The following PDS5B variants were observed in gnomAD, a reference collection of about 807,000 sequenced individuals.
PDS5B encodes the protein PDS5 cohesin associated factor B, also known as sister chromatid cohesion protein PDS5 homolog B.
PDS5B carries 51 observed loss-of-function variants against 184.1 expected under a neutral mutation model. That is an observed-to-expected ratio of 0.28 (90% CI 0.22 to 0.35). The LOEUF is 0.35. Among genes scored for constraint, PDS5B ranks in the 10% least tolerant of loss-of-function variants. The pLI is 1.00. For missense variants in PDS5B, 1,180 were observed against 1,723.3 expected (o/e 0.68, Z 5.58); for synonymous variants, 566 against 569.2 (o/e 0.99, Z 0.08).
intron 24 of PDS5B, among the ~76,000 whole-genome samples, chr13:32,751,002 A>G (rs1953963278): frequency 6.6e-6 from 1 of 152,134 alleles, no homozygotes; most frequent in Non-Finnish European, 1.5e-5. Flanking sequence ...CATAGTACCC[A>G]AAAGGTAGTT....
intron 9 of PDS5B, among the ~76,000 whole-genome samples, chr13:32,677,837 A>G (rs188123944): frequency 6.6e-6 from 1 of 152,300 alleles, no homozygotes; most frequent in East Asian, 1.9e-4. Flanking sequence ...TATTGAATGG[A>G]AAAATCTTGG....
chr13:32,715,921 G>A (rs563150938), intron 19 of PDS5B, among the ~76,000 whole-genome samples: 72 of 152,024 alleles, frequency 4.7e-4, no homozygotes, highest in African/African-American at 1.5e-3. Flanking sequence ...TCGGCCTCCC[G>A]AGGTGCCGGG....
chr13:32,729,398 A>G (rs1168045612), intron 19 of PDS5B, among the ~76,000 whole-genome samples: 2 of 152,216 alleles, frequency 1.3e-5, no homozygotes, highest in South Asian at 4.1e-4. Flanking sequence ...ATAGTGCTGC[A>G]GTAAACATAT....
Position 32,732,085 on chromosome 13 carries a change from G to A in PDS5B, c.2124-16G>A. The A allele has an allele frequency of 1.3e-6, 2 of 1,585,808 alleles. No individual in the cohort carries two copies. The highest frequency in any genetic ancestry group is 1.4e-5 in the African/African-American group (1 of 73,064). ...TTTTTCTGGTTTATTGTTTTTCTTT[G>A]ATTTTTTTTTAATAGAGCCTTGCTT... is the stretch of plus-strand genomic sequence containing the variant. On this transcript the variant is annotated splice_polypyrimidine_tract_variant and intron_variant, in intron 19 of 34. Transcript: ENST00000315596.
rs974700949 is a variant in PDS5B at position 32,687,120 on chromosome 13, T to A, written c.1204-14T>A. ...AGCCTTTTTACATTATAAATAAAACTTTTTGTTTTTAAGTGGAGAGTACGC... is the reference window on the plus strand; with the variant it reads ...AGCCTTTTTACATTATAAATAAAACATTTTGTTTTTAAGTGGAGAGTACGC... On this transcript the variant is annotated splice_polypyrimidine_tract_variant and intron_variant, in intron 11 of 34. Coordinates refer to ENST00000315596, the MANE Select transcript of PDS5B (RefSeq NM_015032.4). 4 of 1,575,968 alleles carry A rather than the reference T, an allele frequency of 2.5e-6. No homozygotes were observed. The highest frequency in any genetic ancestry group is 3.4e-6 in the Non-Finnish European group (4 of 1,166,050).
intron 17 of PDS5B, 42 bp from the exon 18 acceptor site, chr13:32,706,892 C>CTA (rs1321004589): frequency 8.3e-7 from 1 of 1,199,536 alleles, no homozygotes; most frequent in East Asian, 2.4e-5. Flanking sequence ...TTAGACATTG[C>CTA]TAGTAACATT....
intron 19 of PDS5B, among the ~76,000 whole-genome samples, chr13:32,729,955 C>T (rs1015037912): frequency 6.6e-6 from 1 of 152,138 alleles, no homozygotes; most frequent in East Asian, 1.9e-4. Context: ...TTAATTAGAT[C>T]CCATTTGTCA....
chr13:32,728,265 A>G (rs1175674826), intron 19 of PDS5B, among the ~76,000 whole-genome samples: 2 of 151,684 alleles, frequency 1.3e-5, no homozygotes, highest in African/African-American at 4.8e-5. Flanking sequence ...TTTAATGTCT[A>G]CCCTAATTCT....
At position 32,734,089 on chromosome 13, in the gene PDS5B, G is replaced by A. The variant is rs896589268; in HGVS notation, c.2248-1083G>A. 5.9e-5 allele frequency among the ~76,000 whole-genome samples: 9 copies of A among 151,426 alleles called. No individual in the cohort carries two copies. The South Asian group carries it at 1.9e-3, about 32-fold the overall frequency. ...GTCATCCAGGCTGGAGTGTAGTGGC[G>A]TGATCTCTGCTCACTGCAACCTCCA... is the stretch of plus-strand genomic sequence containing the variant. On this transcript the variant is annotated intron_variant, in intron 20 of 34. Coordinates refer to ENST00000315596, the MANE Select transcript of PDS5B (RefSeq NM_015032.4).
chr13:32,766,962 A>G (rs558355533), intron 31 of PDS5B, among the ~76,000 whole-genome samples: 2 of 152,220 alleles, frequency 1.3e-5, no homozygotes, highest in East Asian at 3.9e-4. Context: ...CTAATTTAAC[A>G]TTTCTTTTAC....
intron 34 of PDS5B, among the ~76,000 whole-genome samples, chr13:32,774,405 A>G (rs1198587038): frequency 2.6e-5 from 4 of 152,186 alleles, no homozygotes; most frequent in Non-Finnish European, 5.9e-5. Context: ...TTTGGGGAGG[A>G]CATCAAAGTA....
At chr13:32,589,921 G>T (rs145657573) in intron 1 of PDS5B, among the ~76,000 whole-genome samples, 4 of 152,210 alleles carry the variant, frequency 2.6e-5, no homozygotes, top group Admixed American at 2.6e-4. Flanking sequence ...CTTGAAAAAG[G>T]TTTTAGAATC....
intron 7 of PDS5B, among the ~76,000 whole-genome samples, chr13:32,670,033 G>A (rs1164108419): frequency 6.6e-6 from 1 of 151,984 alleles, no homozygotes; most frequent in Non-Finnish European, 1.5e-5. Flanking sequence ...CATCCTCCTA[G>A]TTGAGAATTA....
intron 11 of PDS5B, 57 bp from the exon 12 acceptor site, chr13:32,687,077 C>G (rs1951417823): frequency 6.5e-6 from 9 of 1,376,868 alleles, no homozygotes; most frequent in Admixed American, 2.5e-5. Flanking sequence ...CTAGACTTTC[C>G]TTAATTTATA....
At chr13:32,691,220 AT>A (rs1183743163) in intron 13 of PDS5B, 2 of 151,818 alleles carry the variant, frequency 1.3e-5, no homozygotes, top group East Asian at 3.9e-4. Flanking sequence ...CCTCAGTAAT[AT>A]ATTTTTGCTT....
chr13:32,742,037 C>A (rs1384389357), intron 22 of PDS5B, among the ~76,000 whole-genome samples: 1 of 152,150 alleles, frequency 6.6e-6, no homozygotes, highest in Non-Finnish European at 1.5e-5. Flanking sequence ...GAGCCAGACA[C>A]TATCGAAGAC....
chr13:32,758,291 T>G, intron 27 of PDS5B, 72 bp downstream of exon 27: 1 of 1,233,668 alleles, frequency 8.1e-7, no homozygotes, highest in Non-Finnish European at 1.1e-6. Context: ...ATGAAACTTC[T>G]GTAGTATTTA....
At chr13:32,631,003 A>T (rs755466527) in intron 1 of PDS5B, among the ~76,000 whole-genome samples, 7 of 152,070 alleles carry the variant, frequency 4.6e-5, no homozygotes, top group Non-Finnish European at 8.8e-5. Flanking sequence ...CATGTTGGCC[A>T]GGCTGGTCTC....
In PDS5B at chr13:32,710,086, G is replaced by A. The variant is rs772336273; in HGVS notation, c.2103G>A (p.Glu701=). 2.0e-6 allele frequency: 3 copies of A among 1,530,112 alleles called. No homozygotes were observed. In the South Asian group the frequency reaches 4.0e-5, roughly 20 times the overall value. 94.8% of individuals were successfully genotyped at this position (1,530,112 alleles called of 1,614,324 possible). A position where few individuals can be genotyped will look rare whatever the true frequency, so the allele number is the denominator to read the frequency against. ...IFKNTGSKIE[E]DFPHIRSALL... Reference sequence around the variant, plus strand: ...AAAACACAGGAAGCAAAATTGAAGAGGATTTTCCACACATCAGATCGTGAG... The same window carrying A: ...AAAACACAGGAAGCAAAATTGAAGAAGATTTTCCACACATCAGATCGTGAG... Residue 701 remains glutamate (E), a synonymous_variant, in exon 19 of 35, where the codon GAG becomes GAA. Transcript: ENST00000315596.
Sources: allele counts gnomAD v4.1 joint callset (sites outside exome capture counted in the v4.1 genomes callset), GRCh38; gene constraint gnomAD v4.1.1; transcripts MANE v1.5; gene names NCBI Gene and HGNC (gene_info 2026-07-23, HGNC 2026-07-21).